The following TNIK variants were observed in gnomAD, a reference collection of about 807,000 sequenced individuals.
TNIK encodes TRAF2 and NCK-interacting protein kinase.
In TNIK, 49 loss-of-function variants were observed where a neutral mutation model predicts 191.3. That is an observed-to-expected ratio of 0.26 (90% CI 0.20 to 0.32). The LOEUF is 0.32. TNIK is among the 10% of genes least tolerant of loss of function. The probability of loss-of-function intolerance (pLI) is 1.00; values close to 1 mark genes in which losing one functional copy is unlikely to be tolerated. For missense variants in TNIK, 1,155 were observed against 1,702.3 expected, an observed-to-expected ratio of 0.68 and a Z score of 5.66; for synonymous variants, 594 against 600.9, an observed-to-expected ratio of 0.99 and a Z score of 0.17.
chr3:171,121,008 A>C (rs2108550770), intron 18 of TNIK, among the ~76,000 whole-genome samples: 1 of 152,282 alleles, frequency 6.6e-6, no homozygotes, highest in East Asian at 1.9e-4. Context: ...TTAGCAAATG[A>C]ATTAAAAACT....
chr3:171,311,846 G>T (rs564678341), intron 2 of TNIK, among the ~76,000 whole-genome samples: 1 of 152,176 alleles, frequency 6.6e-6, no homozygotes, highest in Admixed American at 6.5e-5. Flanking sequence ...CAACTTTCCT[G>T]TAATTCAGAT....
chr3:171,352,000 T>C lies in TNIK; in HGVS notation c.123+17620A>G, dbSNP rs573504642. The stretch of plus-strand genomic sequence containing the variant: ...CCAAGGAGATGGCCTAATCTCATGC[T>C]TCCCAAAGTTAAATGGGCATATAAA... On this transcript the variant is annotated intron_variant, in intron 2 of 32. Transcript: ENST00000436636. 2.0e-5 allele frequency among the ~76,000 whole-genome samples: 3 copies of C among 152,334 alleles called. No individual in the cohort carries two copies. In the East Asian group the frequency reaches 5.8e-4, roughly 29 times the overall value.
intron 1 of TNIK, among the ~76,000 whole-genome samples, chr3:171,452,314 C>A (rs1560091873): frequency 6.6e-6 from 1 of 152,152 alleles, no homozygotes; most frequent in African/African-American, 2.4e-5. Flanking sequence ...TTGGTATCTC[C>A]AACAGATAGA....
chr3:171,138,877 A>C (rs1037413445), intron 14 of TNIK, among the ~76,000 whole-genome samples: 1 of 152,180 alleles, frequency 6.6e-6, no homozygotes, highest in Admixed American at 6.5e-5. Context: ...AGGCTAAAAA[A>C]CATCAGAATG....
At chr3:171,165,730 C>T (rs1330620864) in intron 10 of TNIK, among the ~76,000 whole-genome samples, 1 of 152,208 alleles carries the variant, frequency 6.6e-6, no homozygotes, top group Non-Finnish European at 1.5e-5. Context: ...TGCCTCCCCT[C>T]CCATCCTCAG....
intron 4 of TNIK, 147 bp from the exon 5 acceptor site, chr3:171,194,782 C>G: frequency 1.6e-6 from 1 of 632,164 alleles, no homozygotes; most frequent in Non-Finnish European, 2.7e-6. Flanking sequence ...AAAACACAAG[C>G]TTTTACCTTC....
intron 2 of TNIK, among the ~76,000 whole-genome samples, chr3:171,280,639 C>T (rs902995942): frequency 2.9e-5 from 4 of 136,420 alleles, no homozygotes; most frequent in African/African-American, 8.1e-5. Context: ...GAAGTCTAAA[C>T]TGTCTCTAAA....
intron 2 of TNIK, among the ~76,000 whole-genome samples, chr3:171,354,156 T>C (rs1162748044): frequency 6.6e-6 from 1 of 152,158 alleles, no homozygotes; most frequent in Non-Finnish European, 1.5e-5. Flanking sequence ...ATATATGTAA[T>C]ATATATGTAG....
chr3:171,100,672 A>AG (rs1451476382), intron 22 of TNIK, among the ~76,000 whole-genome samples: 1 of 150,740 alleles, frequency 6.6e-6, no homozygotes, highest in East Asian at 2.0e-4. Flanking sequence ...GGGAAGCAAC[A>AG]GGGGATAAGG....
Position 171,223,405 on chromosome 3 carries a change from T to C in TNIK, c.180+4760A>G, listed in dbSNP as rs149275354. Among the ~76,000 whole-genome samples the C allele has an allele frequency of 4.1e-3, 631 of 152,352 alleles. 7 individuals are homozygous for C. Among genetic ancestry groups the C allele is most frequent in the African/African-American group, 0.014 (598 of 41,584 alleles). ...GGCAAAAGACCATTTTTTTCATCTT[T>C]AAATTTCCAGTGCCTATCATAAAGT... is the stretch of plus-strand genomic sequence containing the variant. On this transcript the variant is annotated intron_variant, in intron 3 of 32. Transcript: ENST00000436636.
At chr3:171,370,084 C>T (rs538353515) in intron 1 of TNIK, among the ~76,000 whole-genome samples, 27 of 152,228 alleles carry the variant, frequency 1.8e-4, no homozygotes, top group African/African-American at 6.0e-4. Context: ...TTGAAATATC[C>T]GAGCTGTTCA....
At chr3:171,105,074 AAATT>A (rs1724553498) in intron 21 of TNIK, among the ~76,000 whole-genome samples, 1 of 152,196 alleles carries the variant, frequency 6.6e-6, no homozygotes, top group Non-Finnish European at 1.5e-5. Flanking sequence ...ACACTCCCCC[AAATT>A]AATTTTTATA....
intron 2 of TNIK, among the ~76,000 whole-genome samples, chr3:171,235,647 A>G (rs1358338857): frequency 1.3e-5 from 2 of 152,170 alleles, no homozygotes; most frequent in African/African-American, 4.8e-5. Context: ...GAGGTATTCA[A>G]CTTAAGCAGG....
chr3:171,335,556 A>G (rs971372736), intron 2 of TNIK, among the ~76,000 whole-genome samples: 12 of 152,376 alleles, frequency 7.9e-5, no homozygotes, highest in Non-Finnish European at 1.8e-4. Flanking sequence ...TTCACTTAGC[A>G]TAACAATTTT....
intron 2 of TNIK, among the ~76,000 whole-genome samples, chr3:171,298,474 G>A (rs1232207763): frequency 6.6e-6 from 1 of 152,204 alleles, no homozygotes; most frequent in African/African-American, 2.4e-5. Context: ...TTGCAGTTAT[G>A]TCAGATCACG....
chr3:171,264,067 T>TACAC (rs760319253), intron 2 of TNIK, among the ~76,000 whole-genome samples: 3,831 of 110,584 alleles, frequency 0.035, 95 homozygotes, highest in Non-Finnish European at 0.048. Flanking sequence ...TATATATACA[T>TACAC]ACACACACAC....
intron 1 of TNIK, among the ~76,000 whole-genome samples, chr3:171,376,790 A>G (rs1340127063): frequency 6.9e-6 from 1 of 145,406 alleles, no homozygotes; most frequent in African/African-American, 2.6e-5. Flanking sequence ...ATAGATAGAT[A>G]GATGAGAGAG....
intron 2 of TNIK, among the ~76,000 whole-genome samples, chr3:171,273,738 T>C (rs374029373): frequency 6.6e-6 from 1 of 152,122 alleles, no homozygotes; most frequent in East Asian, 1.9e-4. Context: ...CCGACCTTTT[T>C]AAAAAATAAA....
chr3:171,184,676 C>G (rs750906235), intron 7 of TNIK, among the ~76,000 whole-genome samples: 3 of 152,184 alleles, frequency 2.0e-5, no homozygotes, highest in African/African-American at 7.2e-5. Context: ...TGAATATTGT[C>G]CTCTCAGGTG....
Sources: gnomAD v4.1 joint callset for allele counts (sites outside exome capture counted in the v4.1 genomes callset) on GRCh38, gnomAD v4.1.1 for gene constraint, MANE v1.5 for transcripts, NCBI Gene and HGNC (gene_info 2026-07-23, HGNC 2026-07-21) for gene names.